LAMA2: variants seen among roughly 807,000 people sequenced by gnomAD.
LAMA2 encodes laminin subunit alpha 2.
Under a neutral mutation model 364.8 loss-of-function variants are expected in LAMA2, and 269 were observed. The ratio of observed to expected loss-of-function variants is 0.74; its 90% CI spans 0.67 to 0.82. LAMA2 has a LOEUF of 0.82. Among genes scored for constraint, LAMA2 ranks in the 40% least tolerant of loss-of-function variants. The probability of loss-of-function intolerance (pLI) is 0.00; values close to 1 mark genes in which losing one functional copy is unlikely to be tolerated. For missense variants in LAMA2, 3,807 were observed against 3,873.2 expected (o/e 0.98, Z 0.45); for synonymous variants, 1,379 against 1,370.6 (o/e 1.01, Z -0.14).
At chr6:129,380,682 G>A (rs1431176073) in intron 34 of LAMA2, among the ~76,000 whole-genome samples, 2 of 152,064 alleles carry the variant, frequency 1.3e-5, no homozygotes, top group African/African-American at 4.8e-5. Context: ...AAAGACAATG[G>A]GATACAAGAA....
At chr6:129,465,879 T>C (rs767391907) in intron 51 of LAMA2, among the ~76,000 whole-genome samples, 1 of 151,944 alleles carries the variant, frequency 6.6e-6, no homozygotes, top group Non-Finnish European at 1.5e-5. Context: ...CAGACATATA[T>C]ATAAAAGATC....
chr6:129,079,194 C>T (rs1045242407), intron 3 of LAMA2, among the ~76,000 whole-genome samples: 4 of 152,104 alleles, frequency 2.6e-5, no homozygotes, highest in African/African-American at 9.7e-5. Context: ...ATATTACATA[C>T]AAAAACATTT....
intron 18 of LAMA2, among the ~76,000 whole-genome samples, chr6:129,280,878 T>G (rs1401704300): frequency 6.6e-6 from 1 of 152,118 alleles, no homozygotes; most frequent in East Asian, 1.9e-4. Flanking sequence ...CCACCCTTCC[T>G]GGGAGGGAGG....
At chr6:129,192,532 C>G in intron 11 of LAMA2, 148 bp from the exon 12 acceptor site, 1 of 687,094 alleles carries the variant, frequency 1.5e-6, no homozygotes. Flanking sequence ...TAATGATATT[C>G]ATAATGCTCA....
intron 30 of LAMA2, among the ~76,000 whole-genome samples, chr6:129,348,825 C>T (rs751088845): frequency 7.9e-5 from 12 of 152,076 alleles, no homozygotes; most frequent in African/African-American, 2.9e-4. Context: ...TCACACTTCA[C>T]GTCTTGAAGC....
intron 4 of LAMA2, among the ~76,000 whole-genome samples, chr6:129,104,764 C>CAA (rs1296046157): frequency 6.6e-6 from 1 of 152,066 alleles, no homozygotes; most frequent in Non-Finnish European, 1.5e-5. Flanking sequence ...TTTGGTTTGG[C>CAA]CCCTTCTCTG....
Position 129,215,583 on chromosome 6 carries a change from A to C in LAMA2, c.1782+22730A>C, listed in dbSNP as rs994330119. 8.5e-5 allele frequency among the ~76,000 whole-genome samples: 13 copies of C among 152,230 alleles called. No homozygotes were observed. In the South Asian group the frequency reaches 1.0e-3, roughly 12 times the overall value. On this transcript the variant is annotated intron_variant, in intron 12 of 64. Transcript: ENST00000421865. ...ATAGAATGAATGATGGAGTCAAATA[A>C]ATAAATATTTATTTATTTATTTATC... is the stretch of plus-strand genomic sequence containing the variant.
intron 1 of LAMA2, among the ~76,000 whole-genome samples, chr6:128,934,220 T>C (rs1248928351): frequency 6.6e-6 from 1 of 152,198 alleles, no homozygotes; most frequent in African/African-American, 2.4e-5. Context: ...GTAGTTTTAA[T>C]GGCCTAGTCA....
intron 1 of LAMA2, among the ~76,000 whole-genome samples, chr6:128,973,601 A>T (rs1229246400): frequency 6.6e-6 from 1 of 152,158 alleles, no homozygotes; most frequent in Non-Finnish European, 1.5e-5. Flanking sequence ...TTATTGGCTT[A>T]TTATTTGATT....
chr6:128,971,742 G>T (rs1349959239), intron 1 of LAMA2, among the ~76,000 whole-genome samples: 2 of 152,182 alleles, frequency 1.3e-5, no homozygotes, highest in African/African-American at 2.4e-5. Flanking sequence ...CTGATACATG[G>T]CATGGTCTGG....
intron 4 of LAMA2, among the ~76,000 whole-genome samples, chr6:129,113,658 C>T (rs762749911): frequency 6.6e-6 from 1 of 151,980 alleles, no homozygotes; most frequent in Non-Finnish European, 1.5e-5. Flanking sequence ...GTAACATAGA[C>T]AGAAGACTAC....
intron 1 of LAMA2, among the ~76,000 whole-genome samples, chr6:129,041,549 A>C (rs1232011065): frequency 6.6e-6 from 1 of 152,226 alleles, no homozygotes; most frequent in African/African-American, 2.4e-5. Context: ...TTTTATTGAT[A>C]CTGATATTGA....
At chr6:129,262,409 A>T (rs917594766) in intron 15 of LAMA2, among the ~76,000 whole-genome samples, 3 of 152,064 alleles carry the variant, frequency 2.0e-5, no homozygotes, top group Middle Eastern at 3.2e-3. Context: ...GTGGAGAGAG[A>T]TGCAAAGTGT....
chr6:129,174,203 T>A (rs575075157), intron 9 of LAMA2, among the ~76,000 whole-genome samples: 1 of 152,246 alleles, frequency 6.6e-6, no homozygotes, highest in African/African-American at 2.4e-5. Flanking sequence ...TGTATTTGTT[T>A]TCTTCATTTG....
chr6:128,935,292 A>G (rs1399355663), intron 1 of LAMA2, among the ~76,000 whole-genome samples: 1 of 123,484 alleles, frequency 8.1e-6, no homozygotes, highest in African/African-American at 3.1e-5. Context: ...TTCAACTCCC[A>G]CTTATGAGTG....
At chr6:129,373,913 C>G (rs1703127914) in intron 34 of LAMA2, among the ~76,000 whole-genome samples, 2 of 152,180 alleles carry the variant, frequency 1.3e-5, no homozygotes, top group African/African-American at 4.8e-5. Context: ...GATTTTTCCA[C>G]TGTAAAGTTA....
intron 1 of LAMA2, among the ~76,000 whole-genome samples, chr6:128,944,100 C>T (rs531187065): frequency 3.3e-5 from 5 of 151,968 alleles, no homozygotes; most frequent in Non-Finnish European, 7.4e-5. Flanking sequence ...GTTCATTAGC[C>T]GTTGGTACTG....
intron 30 of LAMA2, among the ~76,000 whole-genome samples, chr6:129,348,143 G>T (rs552770237): frequency 2.5e-4 from 38 of 152,264 alleles, no homozygotes; most frequent in Non-Finnish European, 3.5e-4. Flanking sequence ...TCAGTTATAA[G>T]TTTATTTTTT....
rs761549107 is a variant in LAMA2 at position 129,143,897 on chromosome 6, G to A, written c.640-4G>A. The A allele has an allele frequency of 6.3e-6, 10 of 1,577,086 alleles. No homozygotes were observed. The highest frequency in any genetic ancestry group is 2.2e-5 in the South Asian group (2 of 90,180). On this transcript the variant is annotated splice_polypyrimidine_tract_variant and splice_region_variant and intron_variant, in intron 4 of 64. Transcript: ENST00000421865. Reference sequence around the variant, plus strand: ...ATTGTTAAATTATTTTTCATATTGTGTAGATTCACATCTCTTTAATCAATG... The same window carrying A: ...ATTGTTAAATTATTTTTCATATTGTATAGATTCACATCTCTTTAATCAATG...
Sources: allele counts gnomAD v4.1 joint callset (sites outside exome capture counted in the v4.1 genomes callset), GRCh38; gene constraint gnomAD v4.1.1; transcripts MANE v1.5; gene names NCBI Gene and HGNC (gene_info 2026-07-23, HGNC 2026-07-21).